Variants in CBFA2T2 observed in about 807,000 individuals in gnomAD.
CBFA2T2 encodes CBFA2/RUNX1 partner transcriptional co-repressor 2, also known as protein CBFA2T2.
Under a neutral mutation model 62.2 loss-of-function variants are expected in CBFA2T2, and 11 were observed. The observed-to-expected ratio is 0.18, with a 90% CI of 0.11 to 0.29. The LOEUF (loss-of-function observed/expected upper bound fraction) is 0.29. Ranked by LOEUF, CBFA2T2 falls within the 10% of genes least tolerant of loss-of-function variation. The pLI is 1.00. For missense variants in CBFA2T2, 592 were observed against 774.1 expected (o/e 0.76, Z 2.79); for synonymous variants, 295 against 287.5 (o/e 1.03, Z -0.27).
intron 1 of CBFA2T2, chr20:33,600,466 G>A (rs1460143927): frequency 2.4e-6 from 1 of 411,296 alleles, no homozygotes; most frequent in Non-Finnish European, 4.8e-6. Flanking sequence ...GGGATTACAG[G>A]TATGAGCCAC....
chr20:33,557,650 G>A (rs371672092), intron 1 of CBFA2T2, among the ~76,000 whole-genome samples: 41 of 152,114 alleles, frequency 2.7e-4, no homozygotes, highest in African/African-American at 9.2e-4. Context: ...AGGACTGCGG[G>A]CATGCCCCAA....
At chr20:33,527,065 A>G (rs1426648598) in intron 1 of CBFA2T2, among the ~76,000 whole-genome samples, 1 of 152,246 alleles carries the variant, frequency 6.6e-6, no homozygotes, top group Non-Finnish European at 1.5e-5. Context: ...CATTATAAAG[A>G]CAATACAAGA....
intron 10 of CBFA2T2, among the ~76,000 whole-genome samples, chr20:33,642,694 T>G (rs1229521930): frequency 1.3e-5 from 2 of 152,182 alleles, no homozygotes; most frequent in Non-Finnish European, 1.5e-5. Context: ...AGATATCTGT[T>G]TCTCTTCTCT....
intron 1 of CBFA2T2, among the ~76,000 whole-genome samples, chr20:33,596,848 T>C (rs2146932356): frequency 6.6e-6 from 1 of 152,244 alleles, no homozygotes; most frequent in East Asian, 1.9e-4. Flanking sequence ...CAGTTCCTCC[T>C]TCTTAGTAAA....
rs1286723604 is a variant in CBFA2T2 at position 33,645,936 on chromosome 20, A to ATATCCC, written c.*1292_*1297dup. On this transcript the variant is annotated 3_prime_UTR_variant, in exon 11 of 11. Coordinates refer to ENST00000342704, the MANE Select transcript of CBFA2T2 (RefSeq NM_001032999.3). ...CCCATTTTCAAATGGGACATCACTC[A>ATATCCC]TATCCCTTTCAGAATGTTAGGAACT... 6.6e-6 allele frequency: 1 copy of ATATCCC among 152,122 alleles called. No homozygotes were observed. Among genetic ancestry groups the ATATCCC allele is most frequent in the African/African-American group, 2.4e-5 (1 of 41,418 alleles). The allele number at this position is 152,122 out of a possible 1,614,324, so 9.4% of individuals were successfully genotyped here. A position where few individuals can be genotyped will look rare whatever the true frequency, so the allele number is the denominator to read the frequency against.
intron 1 of CBFA2T2, among the ~76,000 whole-genome samples, chr20:33,603,886 C>G (rs2015237935): frequency 6.6e-6 from 1 of 152,184 alleles, no homozygotes; most frequent in Non-Finnish European, 1.5e-5. Flanking sequence ...CTTCTTCCTA[C>G]AGGGACTTAC....
At chr20:33,626,005 G>A (rs976198404) in intron 6 of CBFA2T2, among the ~76,000 whole-genome samples, 5 of 152,202 alleles carry the variant, frequency 3.3e-5, no homozygotes, top group African/African-American at 7.2e-5. Flanking sequence ...AGGAGGCTGA[G>A]GCAGGAGAAT....
chr20:33,626,125 A>G (rs1002877953), intron 6 of CBFA2T2, among the ~76,000 whole-genome samples: 1 of 152,092 alleles, frequency 6.6e-6, no homozygotes, highest in African/African-American at 2.4e-5. Context: ...CCAAACAAAA[A>G]ACAAACAAAA....
chr20:33,554,578 C>CTTTCCT (rs796226049), intron 1 of CBFA2T2, among the ~76,000 whole-genome samples: 43 of 124,280 alleles, frequency 3.5e-4, no homozygotes, highest in African/African-American at 1.2e-3. Context: ...CTTTTCTTTT[C>CTTTCCT]TTTCCTTTTC....
intron 1 of CBFA2T2, among the ~76,000 whole-genome samples, chr20:33,503,137 C>T (rs2011324363): frequency 6.8e-6 from 1 of 148,084 alleles, no homozygotes; most frequent in Non-Finnish European, 1.5e-5. Flanking sequence ...TGTGTGTGCT[C>T]ATTCCTATTG....
chr20:33,585,433 G>T (rs1022470908), intron 1 of CBFA2T2, among the ~76,000 whole-genome samples: 1 of 152,052 alleles, frequency 6.6e-6, no homozygotes, highest in African/African-American at 2.4e-5. Flanking sequence ...CCCATACAGC[G>T]TTGTATTATA....
intron 1 of CBFA2T2, among the ~76,000 whole-genome samples, chr20:33,496,742 A>G (rs2011203303): frequency 6.6e-6 from 1 of 152,188 alleles, no homozygotes; most frequent in Non-Finnish European, 1.5e-5. Flanking sequence ...AGAGATCGGA[A>G]AGTGCATCAG....
chr20:33,529,298 T>TGGGA (rs962295551), intron 1 of CBFA2T2, among the ~76,000 whole-genome samples: 1 of 152,104 alleles, frequency 6.6e-6, no homozygotes, highest in African/African-American at 2.4e-5. Flanking sequence ...GTGCTAGGAT[T>TGGGA]ACAGGCGTGA....
At chr20:33,584,615 T>C (rs938211611) in intron 1 of CBFA2T2, among the ~76,000 whole-genome samples, 1 of 152,170 alleles carries the variant, frequency 6.6e-6, no homozygotes, top group African/African-American at 2.4e-5. Flanking sequence ...TAAGCTCTAG[T>C]CAGCTTCTTT....
rs997840683 is a variant in CBFA2T2 at position 33,645,584 on chromosome 20, G to C, written c.*938G>C. 11 of 152,162 alleles carry C rather than the reference G, an allele frequency of 7.2e-5. No homozygotes were observed. Among genetic ancestry groups the C allele is most frequent in the African/African-American group, 2.7e-4 (11 of 41,424 alleles). 9.4% of individuals were successfully genotyped at this position (152,162 alleles called of 1,614,324 possible). ...TTATCTCTCAGACCACACACATCTG[G>C]AACGCTGTGGGCATCTTCTGCCCAT... On this transcript the variant is annotated 3_prime_UTR_variant, in exon 11 of 11. Transcript: ENST00000342704.
chr20:33,558,136 C>CT (rs56771085), intron 1 of CBFA2T2, among the ~76,000 whole-genome samples: 4,370 of 141,782 alleles, frequency 0.031, 157 homozygotes, highest in African/African-American at 0.087. Flanking sequence ...CGCGCTCTCT[C>CT]TTTTTTTTTT....
chr20:33,527,731 A>G (rs1042624783), intron 1 of CBFA2T2, among the ~76,000 whole-genome samples: 21 of 150,986 alleles, frequency 1.4e-4, no homozygotes, highest in African/African-American at 4.9e-4. Flanking sequence ...TTTAGTAGAG[A>G]CAGCGTTTTG....
At chr20:33,503,259 T>TC (rs2011328563) in intron 1 of CBFA2T2, among the ~76,000 whole-genome samples, 1 of 141,096 alleles carries the variant, frequency 7.1e-6, no homozygotes. Flanking sequence ...TCTTTCTTTT[T>TC]TTTTTTTTTT....
intron 2 of CBFA2T2, 109 bp downstream of exon 2, chr20:33,607,208 A>T: frequency 1.0e-6 from 1 of 961,068 alleles, no homozygotes; most frequent in Non-Finnish European, 1.5e-6. Context: ...TCAAAGTACT[A>T]TTGAAAATAT....
Sources: allele counts gnomAD v4.1 joint callset (sites outside exome capture counted in the v4.1 genomes callset), GRCh38; gene constraint gnomAD v4.1.1; transcripts MANE v1.5; gene names NCBI Gene and HGNC (gene_info 2026-07-23, HGNC 2026-07-21).